The following PPP2R3A variants were observed in gnomAD, a reference collection of about 807,000 sequenced individuals.
PPP2R3A encodes protein phosphatase 2 regulatory subunit B''alpha, also known as serine/threonine-protein phosphatase 2A regulatory subunit B'' subunit alpha.
PPP2R3A carries 80 observed loss-of-function variants against 106.9 expected under a neutral mutation model. The ratio of observed to expected loss-of-function variants is 0.75; its 90% CI spans 0.62 to 0.90. The LOEUF (loss-of-function observed/expected upper bound fraction) is 0.90. Among genes scored for constraint, PPP2R3A ranks in the 40% least tolerant of loss-of-function variants. PPP2R3A has a pLI of 0.00. For synonymous variants in PPP2R3A, 483 were observed against 468.3 expected, an observed-to-expected ratio of 1.03 and a Z score of -0.41; for missense variants, 1,386 against 1,350.4, an observed-to-expected ratio of 1.03 and a Z score of -0.41.
chr3:136,040,152 C>G (rs760158812), intron 3 of PPP2R3A, among the ~76,000 whole-genome samples: 4 of 152,112 alleles, frequency 2.6e-5, no homozygotes, highest in Non-Finnish European at 4.4e-5. Flanking sequence ...AATATTAACA[C>G]GAAGTTATTT....
intron 1 of PPP2R3A, among the ~76,000 whole-genome samples, chr3:135,995,869 G>A (rs993586570): frequency 5.9e-5 from 9 of 152,010 alleles, no homozygotes; most frequent in African/African-American, 1.9e-4. Context: ...TCATCTATTC[G>A]GATTCAGACT....
intron 13 of PPP2R3A, among the ~76,000 whole-genome samples, chr3:136,108,056 T>TA (rs1559924889): frequency 6.6e-6 from 1 of 152,074 alleles, no homozygotes; most frequent in East Asian, 1.9e-4. Flanking sequence ...CTACAAAAAA[T>TA]ACAAAAGTTA....
At position 136,041,260 on chromosome 3, in the gene PPP2R3A, T is replaced by TG. The variant is rs1347934952; in HGVS notation, c.2366+298_2366+299insG. On this transcript the variant is annotated intron_variant, in intron 4 of 13. Transcript: ENST00000264977. Reference sequence around the variant, plus strand: ...CTTGTTTTTTTTTTTGTTTTTTTTTTTGTTTTTTTTTTTTTGAGACAGAAT... The same window carrying TG: ...CTTGTTTTTTTTTTTGTTTTTTTTTTGTGTTTTTTTTTTTTTGAGACAGAAT... Among the ~76,000 whole-genome samples, 352 of 123,426 alleles carry TG rather than the reference T, an allele frequency of 2.9e-3. 24 individuals are homozygous for TG. Among genetic ancestry groups the TG allele is most frequent in the African/African-American group, 9.6e-3 (297 of 30,924 alleles). 81.0% of individuals were successfully genotyped at this position (123,426 alleles called of 152,430 possible).
intron 1 of PPP2R3A, among the ~76,000 whole-genome samples, chr3:135,998,826 A>G (rs1306221203): frequency 6.6e-6 from 1 of 152,248 alleles, no homozygotes; most frequent in Non-Finnish European, 1.5e-5. Flanking sequence ...TTTGTGAGAT[A>G]TTGTCAAAGT....
chr3:136,018,157 C>T (rs1329516709), intron 2 of PPP2R3A, among the ~76,000 whole-genome samples: 8 of 152,148 alleles, frequency 5.3e-5, no homozygotes, highest in Non-Finnish European at 1.0e-4. Flanking sequence ...GTCCCAGCTA[C>T]TCAGCAGGCT....
Position 136,001,101 on chromosome 3 carries a change from G to A in PPP2R3A, c.-398G>A. 2 of 398,106 alleles carry A rather than the reference G, an allele frequency of 5.0e-6. No homozygotes were observed. Among genetic ancestry groups the A allele is most frequent in the Middle Eastern group, 6.3e-4 (1 of 1,580 alleles). 24.7% of individuals were successfully genotyped at this position (398,106 alleles called of 1,614,324 possible). ...AGAAAAATGAATCATTTAAACCTTT[G>A]GAGGACTCAGTTATCACAATACTTC... On this transcript the variant is annotated 5_prime_UTR_variant, in exon 2 of 14. The change creates a premature stop within an existing upstream ORF in the 5' untranslated region. Coordinates refer to ENST00000264977, the MANE Select transcript of PPP2R3A (RefSeq NM_002718.5).
chr3:136,136,074 T>TATATATATA (rs1491542071), intron 13 of PPP2R3A, among the ~76,000 whole-genome samples: 1,022 of 30,022 alleles, frequency 0.034, 26 homozygotes, highest in East Asian at 0.12. Context: ...AAAAAAAAAA[T>TATATATATA]TATATATATA....
chr3:136,118,478 C>T (rs1408107976), intron 13 of PPP2R3A, among the ~76,000 whole-genome samples: 1 of 152,180 alleles, frequency 6.6e-6, no homozygotes, highest in Non-Finnish European at 1.5e-5. Context: ...TTAGAAAACC[C>T]CATCATCTCA....
intron 8 of PPP2R3A, among the ~76,000 whole-genome samples, chr3:136,087,300 A>G (rs1221285715): frequency 1.8e-5 from 1 of 56,132 alleles, no homozygotes; most frequent in Non-Finnish European, 3.9e-5. Flanking sequence ...TCTCTCTCTC[A>G]CCAACATGCT....
intron 13 of PPP2R3A, among the ~76,000 whole-genome samples, chr3:136,117,172 A>G (rs1458743707): frequency 6.6e-6 from 1 of 152,202 alleles, no homozygotes; most frequent in Non-Finnish European, 1.5e-5. Context: ...AGAAATAAAG[A>G]TGTTCTTTGA....
intron 7 of PPP2R3A, among the ~76,000 whole-genome samples, chr3:136,081,007 T>C (rs897922499): frequency 2.0e-5 from 3 of 152,152 alleles, no homozygotes; most frequent in East Asian, 3.9e-4. Flanking sequence ...CTTTTTTTTT[T>C]CTTTGAGACG....
intron 3 of PPP2R3A, among the ~76,000 whole-genome samples, chr3:136,031,757 G>C (rs1934898536): frequency 6.6e-6 from 1 of 152,276 alleles, no homozygotes; most frequent in East Asian, 1.9e-4. Flanking sequence ...TGTTTGAAAA[G>C]AGTATGCTTT....
intron 13 of PPP2R3A, among the ~76,000 whole-genome samples, chr3:136,140,778 C>G (rs1369300110): frequency 6.6e-6 from 1 of 150,434 alleles, no homozygotes. Flanking sequence ...GTTGTGGTGG[C>G]ACACGCCTAT....
intron 2 of PPP2R3A, among the ~76,000 whole-genome samples, chr3:136,004,230 T>C (rs1208320797): frequency 6.6e-6 from 1 of 152,236 alleles, no homozygotes; most frequent in Non-Finnish European, 1.5e-5. Flanking sequence ...AGAAAGGCAG[T>C]TGTCTTCCCA....
At chr3:136,088,941 T>G (rs934574689) in intron 9 of PPP2R3A, among the ~76,000 whole-genome samples, 3 of 152,066 alleles carry the variant, frequency 2.0e-5, no homozygotes, top group Non-Finnish European at 4.4e-5. Context: ...GGGGTTGTTT[T>G]TTGCTTGTTG....
intron 1 of PPP2R3A, among the ~76,000 whole-genome samples, chr3:135,991,035 T>A (rs143632998): frequency 6.6e-6 from 1 of 152,232 alleles, no homozygotes; most frequent in East Asian, 1.9e-4. Context: ...GCTTTCTGCT[T>A]TGCTCCCTCT....
intron 6 of PPP2R3A, among the ~76,000 whole-genome samples, chr3:136,072,525 G>A (rs1014531691): frequency 1.3e-5 from 2 of 152,204 alleles, no homozygotes; most frequent in African/African-American, 4.8e-5. Flanking sequence ...CCAGGAGGTG[G>A]AGGTTGCAGT....
At chr3:136,006,522 CAACA>C (rs1264352984) in intron 2 of PPP2R3A, among the ~76,000 whole-genome samples, 1 of 152,242 alleles carries the variant, frequency 6.6e-6, no homozygotes, top group African/African-American at 2.4e-5. Context: ...CAAGACAAAC[CAACA>C]AACAAACAAC....
chr3:136,060,339 A>G (rs1385341069), intron 5 of PPP2R3A, among the ~76,000 whole-genome samples: 1 of 152,232 alleles, frequency 6.6e-6, no homozygotes, highest in Non-Finnish European at 1.5e-5. Context: ...TAAAGAATAG[A>G]ATGGTAATTA....
Sources: allele counts gnomAD v4.1 joint callset (sites outside exome capture counted in the v4.1 genomes callset), GRCh38; gene constraint gnomAD v4.1.1; transcripts MANE v1.5; gene names NCBI Gene and HGNC (gene_info 2026-07-23, HGNC 2026-07-21).